ZNF763: variants seen among roughly 807,000 people sequenced by gnomAD.
The protein encoded by ZNF763 is DNA-binding protein.
In ZNF763, 33 loss-of-function variants were observed where a neutral mutation model predicts 38.0. The observed-to-expected ratio is 0.87, with a 90% CI of 0.66 to 1.16. ZNF763 has a LOEUF of 1.16. Among genes scored for constraint, ZNF763 ranks in the 50% most tolerant of loss-of-function variants. The pLI, the probability that ZNF763 is intolerant of heterozygous loss-of-function variation, is 0.00. For synonymous variants in ZNF763, 155 were observed against 160.1 expected (o/e 0.97, Z 0.24); for missense variants, 423 against 469.1 (o/e 0.90, Z 0.91).
At position 11,979,241 on chromosome 19, in the gene ZNF763, A is replaced by G; in HGVS notation, c.*132A>G. 1 of 1,612,168 alleles carries G rather than the reference A, an allele frequency of 6.2e-7. No homozygotes were observed. The highest frequency in any genetic ancestry group is 8.5e-7 in the Non-Finnish European group (1 of 1,179,254). On this transcript the variant is annotated 3_prime_UTR_variant, in exon 4 of 4. Transcript: ENST00000358987. The stretch of plus-strand genomic sequence containing the variant: ...TTCAATCTTTCCAGTTCCTTTCAGT[A>G]TCATGAAAGGACTCACACTGGAGAG...
chr19:11,974,686 T>G (rs1446165779), intron 1 of ZNF763, among the ~76,000 whole-genome samples: 3 of 151,998 alleles, frequency 2.0e-5, no homozygotes, highest in Non-Finnish European at 4.4e-5. Context: ...CACTGCAACT[T>G]CCACCTCCCA....
At chr19:11,969,487 T>A (rs776119913) in intron 1 of ZNF763, among the ~76,000 whole-genome samples, 8 of 152,212 alleles carry the variant, frequency 5.3e-5, no homozygotes, top group Non-Finnish European at 1.0e-4. Flanking sequence ...TGTGCCTGAT[T>A]AAGCATAAAT....
At chr19:11,966,758 G>A (rs1973237194) in intron 1 of ZNF763, among the ~76,000 whole-genome samples, 1 of 152,118 alleles carries the variant, frequency 6.6e-6, no homozygotes. Context: ...TGCTTGATTG[G>A]TTGCAGAGAT....
chr19:11,978,085 C>T, intron 3 of ZNF763, 31 bp from the exon 4 acceptor site: 1 of 1,598,408 alleles, frequency 6.3e-7, no homozygotes, highest in Non-Finnish European at 8.5e-7. Flanking sequence ...TACTCATAAA[C>T]CCTTCATAAT....
rs537177692 is a variant in ZNF763 at position 11,979,274 on chromosome 19, A to G, written c.*165A>G. On this transcript the variant is annotated 3_prime_UTR_variant, in exon 4 of 4. Coordinates refer to ENST00000358987, the MANE Select transcript of ZNF763 (RefSeq NM_001367172.2). ...AGGACTCACACTGGAGAGAAACCCT[A>G]TGAGTGTAAGCAATGTGGGAAAGCC... 2.6e-5 allele frequency: 42 copies of G among 1,613,124 alleles called. No individual in the cohort carries two copies. In the East Asian group the frequency reaches 4.0e-4, roughly 15 times the overall value.
intron 1 of ZNF763, among the ~76,000 whole-genome samples, chr19:11,974,328 C>G (rs1213930851): frequency 6.6e-6 from 1 of 151,040 alleles, no homozygotes; most frequent in Non-Finnish European, 1.5e-5. Flanking sequence ...TCCCAAGTAG[C>G]TGGGATTACA....
In ZNF763 at chr19:11,974,379, T is replaced by C. The variant is rs373624464; in HGVS notation, c.4-2659T>C. ...TCCTGATAAATTTTTGTATTATTAG[T>C]AGAGATGACATTTTACCATGTTGGC... On this transcript the variant is annotated intron_variant, in intron 1 of 3. Coordinates refer to ENST00000358987, the MANE Select transcript of ZNF763 (RefSeq NM_001367172.2). Among the ~76,000 whole-genome samples, 29 of 151,496 alleles carry C rather than the reference T, an allele frequency of 1.9e-4. No homozygotes were observed. The East Asian group carries it at 5.7e-3, about 30-fold the overall frequency.
rs1397991848 is a variant in ZNF763, at chr19:11,979,680, A to G, written c.*571A>G. 2 of 1,602,884 alleles carry G rather than the reference A, an allele frequency of 1.2e-6. No individual in the cohort carries two copies. The highest frequency in any genetic ancestry group is 8.5e-7 in the Non-Finnish European group (1 of 1,171,992). On this transcript the variant is annotated 3_prime_UTR_variant, in exon 4 of 4. Transcript: ENST00000358987. ...AGATCTGCCTCAATCCTTCAAATGCATGCTGGGACTCACCCTGAAGAGAAG... is the reference window on the plus strand; with the variant it reads ...AGATCTGCCTCAATCCTTCAAATGCGTGCTGGGACTCACCCTGAAGAGAAG...
At chr19:11,971,568 A>G (rs1222585096) in intron 1 of ZNF763, among the ~76,000 whole-genome samples, 1 of 152,216 alleles carries the variant, frequency 6.6e-6, no homozygotes, top group Non-Finnish European at 1.5e-5. Context: ...AAACTGCCTT[A>G]TAAATTTCAT....
intron 1 of ZNF763, among the ~76,000 whole-genome samples, chr19:11,967,218 C>T (rs903511488): frequency 6.6e-6 from 1 of 152,076 alleles, no homozygotes; most frequent in African/African-American, 2.4e-5. Flanking sequence ...TGCCTGTAGT[C>T]GCAGGTACTT....
chr19:11,977,202 G>A (rs1031857142), intron 2 of ZNF763, 38 bp downstream of exon 2: 2 of 1,611,398 alleles, frequency 1.2e-6, no homozygotes, highest in Admixed American at 1.7e-5. Context: ...GTCCATTAGT[G>A]AACCAGTGTT....
chr19:11,976,822 C>T, intron 1 of ZNF763: 1 of 1,364,840 alleles, frequency 7.3e-7, no homozygotes, highest in Admixed American at 3.2e-5. Context: ...TCATTATACT[C>T]CAGCCTGGGC....
At chr19:11,969,194 T>A (rs896799259) in intron 1 of ZNF763, among the ~76,000 whole-genome samples, 10 of 152,342 alleles carry the variant, frequency 6.6e-5, no homozygotes, top group African/African-American at 2.4e-4. Context: ...AGCCTCTGCC[T>A]TCTGGGTTCA....
rs1340737825 is a variant in ZNF763 at position 11,965,048 on chromosome 19, A to G, written c.-161A>G. On this transcript the variant is annotated 5_prime_UTR_variant, in exon 1 of 4. Coordinates refer to ENST00000358987, the MANE Select transcript of ZNF763 (RefSeq NM_001367172.2). ...CAGAGTGGGTCGCATTCCTGTCCTC[A>G]CCTTTGTCCTTGCGCAGCCGGTGGT... 2 of 853,346 alleles carry G rather than the reference A, an allele frequency of 2.3e-6. No individual in the cohort carries two copies. The highest frequency in any genetic ancestry group is 5.6e-5 in the East Asian group (2 of 35,750). The allele number at this position is 853,346 out of a possible 1,614,324, so 52.9% of individuals were successfully genotyped here.
At chr19:11,973,316 G>C (rs1272717539) in intron 1 of ZNF763, among the ~76,000 whole-genome samples, 1 of 152,128 alleles carries the variant, frequency 6.6e-6, no homozygotes, top group Non-Finnish European at 1.5e-5. Flanking sequence ...TTTCAGACTT[G>C]CTTCTTTCAT....
intron 1 of ZNF763, among the ~76,000 whole-genome samples, chr19:11,968,559 T>C (rs1303747665): frequency 6.6e-6 from 1 of 152,178 alleles, no homozygotes; most frequent in African/African-American, 2.4e-5. Flanking sequence ...TAATTTGTAG[T>C]GGTTTGCTTT....
Position 11,978,866 on chromosome 19 carries a change from T to C in ZNF763, c.942T>C (p.Cys314=), listed in dbSNP as rs1973557003. ...ACACTGGGGAGAAGCCCTGTGAATGTAGCAAATGTAATAAAGCATTCCGTA... is the reference window on the plus strand; with the variant it reads ...ACACTGGGGAGAAGCCCTGTGAATGCAGCAAATGTAATAAAGCATTCCGTA... The part of the protein sequence containing the change: ...RTHTGEKPCE[C]SKCNKAFRSY... Residue 314 remains cysteine (C), a synonymous_variant, in exon 4 of 4, where the codon TGT becomes TGC. Coordinates refer to ENST00000358987, the MANE Select transcript of ZNF763 (RefSeq NM_001367172.2). 1.2e-6 allele frequency: 2 copies of C among 1,613,902 alleles called. No homozygotes were observed. Among genetic ancestry groups the C allele is most frequent in the East Asian group, 2.2e-5 (1 of 44,856 alleles).
intron 1 of ZNF763, among the ~76,000 whole-genome samples, chr19:11,968,663 A>G (rs935981105): frequency 6.6e-6 from 1 of 152,150 alleles, no homozygotes; most frequent in African/African-American, 2.4e-5. Context: ...TGAAGACAAC[A>G]TGATAGCCAT....
intron 1 of ZNF763, among the ~76,000 whole-genome samples, chr19:11,975,089 G>A (rs1468095018): frequency 6.6e-6 from 1 of 151,324 alleles, no homozygotes; most frequent in Middle Eastern, 3.2e-3. Context: ...GGGCCAAGAT[G>A]TTATTTTCTT....
Sources: gnomAD v4.1 joint callset for allele counts (sites outside exome capture counted in the v4.1 genomes callset) on GRCh38, gnomAD v4.1.1 for gene constraint, MANE v1.5 for transcripts, NCBI Gene and HGNC (gene_info 2026-07-23, HGNC 2026-07-21) for gene names.